SLAMF6: variants seen among roughly 807,000 people sequenced by gnomAD.
SLAMF6 encodes the protein SLAM family member 6, also known as NK-T-B-antigen.
Under a neutral mutation model 38.3 loss-of-function variants are expected in SLAMF6, and 21 were observed. That is an observed-to-expected ratio of 0.55 (90% confidence interval 0.39 to 0.79). The LOEUF (loss-of-function observed/expected upper bound fraction) is 0.79, where lower values mean the gene tolerates loss of function less well. SLAMF6 is among the 30% of genes least tolerant of loss of function. The pLI is 0.00. For synonymous variants in SLAMF6, 152 were observed against 146.3 expected, an observed-to-expected ratio of 1.04 and a Z score of -0.28; for missense variants, 341 against 385.3, an observed-to-expected ratio of 0.89 and a Z score of 0.96.
chr1:160,522,930 C>A (rs571378154), intron 1 of SLAMF6, among the ~76,000 whole-genome samples: 16 of 152,310 alleles, frequency 1.1e-4, no homozygotes, highest in Admixed American at 1.0e-3. Context: ...CATGCAGACA[C>A]AATTGAAATT....
At chr1:160,505,801 A>G (rs1331412114) in intron 1 of SLAMF6, among the ~76,000 whole-genome samples, 2 of 152,166 alleles carry the variant, frequency 1.3e-5, no homozygotes, top group Non-Finnish European at 2.9e-5. Context: ...GAATATTTTT[A>G]AAAGATAGAA....
In SLAMF6 at chr1:160,487,161, C is replaced by T; in HGVS notation, c.894G>A (p.Trp298Ter). ...VTHSNRETEI[W>*]TPRENDTITI... ...TGATAGTATCATTTTCTCTAGGTGTCCAGATTTCTGTTTCCTGTAAAAAGA... is the reference window on the plus strand; with the variant it reads ...TGATAGTATCATTTTCTCTAGGTGTTCAGATTTCTGTTTCCTGTAAAAAGA... Residue 298 changes from tryptophan to a stop codon, truncating the protein, a stop_gained, in exon 7 of 8, where the codon TGG becomes TGA. Transcript: ENST00000368057. LOFTEE classifies it high-confidence loss of function. The T allele has an allele frequency of 2.5e-6, 4 of 1,612,952 alleles. No homozygotes were observed. Among genetic ancestry groups the T allele is most frequent in the Non-Finnish European group, 3.4e-6 (4 of 1,179,658 alleles).
rs1197990151 is a variant in SLAMF6, at chr1:160,485,053, T to A, written c.*1654A>T. On this transcript the variant is annotated 3_prime_UTR_variant, in exon 8 of 8. Transcript: ENST00000368057. ...TAATAAGATCTATTTCATTTTATTTTATTTATTTATTTTTTGAGACAGAGT... is the reference window on the plus strand; with the variant it reads ...TAATAAGATCTATTTCATTTTATTTAATTTATTTATTTTTTGAGACAGAGT... 6.6e-6 allele frequency: 1 copy of A among 152,132 alleles called. No individual in the cohort carries two copies. The highest frequency in any genetic ancestry group is 1.5e-5 in the Non-Finnish European group (1 of 68,032). 9.4% of individuals were successfully genotyped at this position (152,132 alleles called of 1,614,324 possible). A position where few individuals can be genotyped will look rare whatever the true frequency, so the allele number is the denominator to read the frequency against.
intron 1 of SLAMF6, among the ~76,000 whole-genome samples, chr1:160,503,260 A>G (rs1654006415): frequency 6.6e-6 from 1 of 152,152 alleles, no homozygotes; most frequent in Non-Finnish European, 1.5e-5. Flanking sequence ...AAAAGCTGCT[A>G]TGAGGAATTT....
chr1:160,522,598 T>A (rs542961343), intron 1 of SLAMF6, among the ~76,000 whole-genome samples: 40 of 150,482 alleles, frequency 2.7e-4, no homozygotes, highest in African/African-American at 9.3e-4. Flanking sequence ...CTAGCCCTAA[T>A]TTGCACTAAA....
chr1:160,520,952 T>A (rs1233504275), intron 1 of SLAMF6, among the ~76,000 whole-genome samples: 1 of 152,206 alleles, frequency 6.6e-6, no homozygotes, highest in Admixed American at 6.5e-5. Context: ...CTGTTTAACT[T>A]TTCACACCCT....
At chr1:160,501,742 C>T (rs1051024617) in intron 1 of SLAMF6, among the ~76,000 whole-genome samples, 22 of 149,792 alleles carry the variant, frequency 1.5e-4, no homozygotes, top group Admixed American at 8.6e-4. Context: ...CTTAAAATGC[C>T]TTTCTTCATC....
chr1:160,515,117 A>G (rs1306120430), intron 1 of SLAMF6, among the ~76,000 whole-genome samples: 1 of 151,856 alleles, frequency 6.6e-6, no homozygotes, highest in Non-Finnish European at 1.5e-5. Flanking sequence ...AGTTAGCTAG[A>G]CTAACAAAGA....
Position 160,511,355 on chromosome 1 carries a change from G to A in SLAMF6, c.49+11789C>T, listed in dbSNP as rs1400282082. The stretch of plus-strand genomic sequence containing the variant: ...ATGGTAATCAAAACAGTGTGGTACT[G>A]GCATAAAGATAAACTTATAGATGTC... On this transcript the variant is annotated intron_variant, in intron 1 of 7. Coordinates refer to ENST00000368057, the MANE Select transcript of SLAMF6 (RefSeq NM_001184714.2). Among the ~76,000 whole-genome samples, 4 of 152,104 alleles carry A rather than the reference G, an allele frequency of 2.6e-5. No homozygotes were observed. In the East Asian group the frequency reaches 7.7e-4, roughly 29 times the overall value.
At chr1:160,512,146 G>A (rs1478531823) in intron 1 of SLAMF6, among the ~76,000 whole-genome samples, 1 of 152,212 alleles carries the variant, frequency 6.6e-6, no homozygotes, top group African/African-American at 2.4e-5. Flanking sequence ...CATCACTGCA[G>A]CTTCTGTCTG....
intron 1 of SLAMF6, among the ~76,000 whole-genome samples, chr1:160,500,000 T>C (rs780261466): frequency 4.6e-5 from 7 of 152,236 alleles, no homozygotes; most frequent in Admixed American, 6.5e-5. Flanking sequence ...TATGATTCTA[T>C]TTATTTAAAG....
rs1652922739 is a variant in SLAMF6, at chr1:160,485,583, C to T, written c.*1124G>A. 6.6e-6 allele frequency: 1 copy of T among 152,182 alleles called. No homozygotes were observed. The highest frequency in any genetic ancestry group is 1.5e-5 in the Non-Finnish European group (1 of 68,096). The allele number at this position is 152,182 out of a possible 1,614,324, so 9.4% of individuals were successfully genotyped here. On this transcript the variant is annotated 3_prime_UTR_variant, in exon 8 of 8. Coordinates refer to ENST00000368057, the MANE Select transcript of SLAMF6 (RefSeq NM_001184714.2). ...ATGCTAGCTGAGGCTGGAGGTGGGC[C>T]AGACCATCCAGGGCCATGGAAACTG...
Position 160,523,055 on chromosome 1 carries a change from G to A in SLAMF6, c.49+89C>T, listed in dbSNP as rs553424809. The A allele has an allele frequency of 9.3e-5, 133 of 1,422,702 alleles. 4 individuals are homozygous for A. The South Asian group carries it at 1.5e-3, about 16-fold the overall frequency. 88.1% of individuals were successfully genotyped at this position (1,422,702 alleles called of 1,614,324 possible). ...GCCCCAATCCCTTGGCAGAGAGCCAGACAACTGTATACAGACGATTTAGGT... is the reference window on the plus strand; with the variant it reads ...GCCCCAATCCCTTGGCAGAGAGCCAAACAACTGTATACAGACGATTTAGGT... On this transcript the variant is annotated intron_variant, in intron 1 of 7. Coordinates refer to ENST00000368057, the MANE Select transcript of SLAMF6 (RefSeq NM_001184714.2).
At chr1:160,499,456 C>G (rs1653766548) in intron 1 of SLAMF6, among the ~76,000 whole-genome samples, 1 of 152,122 alleles carries the variant, frequency 6.6e-6, no homozygotes, top group Non-Finnish European at 1.5e-5. Flanking sequence ...GTTTTGGTTA[C>G]TATAGTCTTA....
intron 1 of SLAMF6, among the ~76,000 whole-genome samples, chr1:160,509,574 A>C (rs560146737): frequency 6.0e-4 from 91 of 152,216 alleles, no homozygotes; most frequent in Non-Finnish European, 9.6e-4. Context: ...TGATGGGTGC[A>C]GCAAACCAAC....
intron 1 of SLAMF6, among the ~76,000 whole-genome samples, chr1:160,516,754 T>C (rs986527374): frequency 2.0e-5 from 3 of 152,184 alleles, no homozygotes; most frequent in African/African-American, 4.8e-5. Context: ...AAACAAGCAA[T>C]GGGGAAAGGA....
In SLAMF6 at chr1:160,500,846, G is replaced by A. The variant is rs145257063; in HGVS notation, c.50-4453C>T. 3.3e-4 allele frequency among the ~76,000 whole-genome samples: 50 copies of A among 152,102 alleles called. No individual in the cohort carries two copies. The East Asian group carries it at 7.5e-3, about 23-fold the overall frequency. On this transcript the variant is annotated intron_variant, in intron 1 of 7. Coordinates refer to ENST00000368057, the MANE Select transcript of SLAMF6 (RefSeq NM_001184714.2). ...TCAGTTCCTTTTGGTAGGGAGTCTG[G>A]GCTTACTCAGTGGCCTAAGGACTCA...
intron 1 of SLAMF6, among the ~76,000 whole-genome samples, chr1:160,498,257 G>A (rs978203500): frequency 3.3e-5 from 5 of 151,866 alleles, no homozygotes; most frequent in Non-Finnish European, 5.9e-5. Context: ...GTGTATTAGT[G>A]TATTCTGAAT....
At chr1:160,498,380 T>C (rs1164121788) in intron 1 of SLAMF6, among the ~76,000 whole-genome samples, 2 of 152,128 alleles carry the variant, frequency 1.3e-5, no homozygotes, top group African/African-American at 4.8e-5. Flanking sequence ...AGACTAGTAA[T>C]TTATAAAGGA....
Sources: gnomAD v4.1 joint callset for allele counts (sites outside exome capture counted in the v4.1 genomes callset) on GRCh38, gnomAD v4.1.1 for gene constraint, MANE v1.5 for transcripts, NCBI Gene and HGNC (gene_info 2026-07-23, HGNC 2026-07-21) for gene names.